The following TWIST2 variants were observed in gnomAD, a reference collection of about 807,000 sequenced individuals.
The protein encoded by TWIST2 is twist family bHLH transcription factor 2, also known as twist-related protein 2.
In TWIST2, 1 loss-of-function variant was observed where a neutral mutation model predicts 11.6. That is an observed-to-expected ratio of 0.09 (90% confidence interval 0.03 to 0.41). The LOEUF (loss-of-function observed/expected upper bound fraction) is 0.41, where lower values mean the gene tolerates loss of function less well. Ranked by LOEUF, TWIST2 falls within the 10% of genes least tolerant of loss-of-function variation. TWIST2 has a pLI of 0.98. For missense variants in TWIST2, 168 were observed against 226.4 expected (o/e 0.74, Z 1.66); for synonymous variants, 87 against 96.6 (o/e 0.90, Z 0.58).
At chr2:238,893,979 C>A in intron 1 of TWIST2, among the ~76,000 whole-genome samples, 1 of 152,126 alleles carries the variant, frequency 6.6e-6, no homozygotes, top group Non-Finnish European at 1.5e-5. Flanking sequence ...TACCACGTGC[C>A]TCCTTCCCAG....
At chr2:238,885,258 G>A (rs1693012737) in intron 1 of TWIST2, among the ~76,000 whole-genome samples, 1 of 152,196 alleles carries the variant, frequency 6.6e-6, no homozygotes, top group Non-Finnish European at 1.5e-5. Flanking sequence ...CCTGGATGGT[G>A]GTCAGTCTTC....
At chr2:238,884,697 G>A (rs1693000081) in intron 1 of TWIST2, among the ~76,000 whole-genome samples, 1 of 152,178 alleles carries the variant, frequency 6.6e-6, no homozygotes, top group South Asian at 2.1e-4. Context: ...GAAGGGTCCG[G>A]CTGCTGCTGT....
chr2:238,896,770 C>G (rs1263866938), intron 1 of TWIST2, among the ~76,000 whole-genome samples: 1 of 152,324 alleles, frequency 6.6e-6, no homozygotes, highest in South Asian at 2.1e-4. Flanking sequence ...CACACATGCT[C>G]TGGGATTTTA....
intron 1 of TWIST2, among the ~76,000 whole-genome samples, chr2:238,859,487 CACA>C (rs1438004559): frequency 6.6e-6 from 1 of 151,522 alleles, no homozygotes; most frequent in Non-Finnish European, 1.5e-5. Flanking sequence ...ATGATGCCTT[CACA>C]ACAAGGTGTA....
At chr2:238,850,233 TCTC>T (rs1692220754) in intron 1 of TWIST2, among the ~76,000 whole-genome samples, 1 of 152,210 alleles carries the variant, frequency 6.6e-6, no homozygotes, top group African/African-American at 2.4e-5. Context: ...GTGGGAATCT[TCTC>T]CTGTCTTTGT....
At chr2:238,855,546 C>T (rs950121932) in intron 1 of TWIST2, among the ~76,000 whole-genome samples, 1 of 152,318 alleles carries the variant, frequency 6.6e-6, no homozygotes, top group African/African-American at 2.4e-5. Flanking sequence ...GATCATTTCG[C>T]ATTCCTTGTT....
chr2:238,906,140 T>C (rs1182759787), intron 1 of TWIST2, among the ~76,000 whole-genome samples: 1 of 151,676 alleles, frequency 6.6e-6, no homozygotes, highest in Non-Finnish European at 1.5e-5. Context: ...GGGCTGGGGG[T>C]TGGGAGAGGG....
intron 1 of TWIST2, among the ~76,000 whole-genome samples, chr2:238,870,568 C>T (rs1692658821): frequency 1.4e-4 from 2 of 14,444 alleles, no homozygotes; most frequent in African/African-American, 5.0e-4. Context: ...ACACCACACA[C>T]CACACACCAC....
chr2:238,852,891 CA>C (rs1195684645), intron 1 of TWIST2, among the ~76,000 whole-genome samples: 1 of 152,124 alleles, frequency 6.6e-6, no homozygotes, highest in Non-Finnish European at 1.5e-5. Context: ...AGATATTCTA[CA>C]AAAGTATTAA....
intron 1 of TWIST2, among the ~76,000 whole-genome samples, chr2:238,856,487 A>T (rs139587634): frequency 0.011 from 1,708 of 152,248 alleles, 34 homozygotes; most frequent in African/African-American, 0.039. Flanking sequence ...GTCCCCAGCA[A>T]CCCTGTGTAC....
At chr2:238,874,933 T>C (rs1358036604) in intron 1 of TWIST2, among the ~76,000 whole-genome samples, 2 of 152,140 alleles carry the variant, frequency 1.3e-5, no homozygotes, top group African/African-American at 4.8e-5. Context: ...TTGTGGAACA[T>C]GTGTCCTCTT....
Position 238,863,562 on chromosome 2 carries a change from C to CTGTT in TWIST2, c.*35+14830_*35+14833dup, listed in dbSNP as rs1171073331. Among the ~76,000 whole-genome samples, 1 of 152,194 alleles carries CTGTT rather than the reference C, an allele frequency of 6.6e-6. No homozygotes were observed. The highest frequency in any genetic ancestry group is 1.5e-5 in the Non-Finnish European group (1 of 68,034). ...GATGGGACTGGCGCTCATCCTCACA[C>CTGTT]TGTTAGTGTTAGCATCCTCATTTCT... On this transcript the variant is annotated intron_variant, in intron 1 of 1. Transcript: ENST00000612363. This position sits in a 1 kb window ranked among gnomAD's most constrained non-coding sequence, Gnocchi z 4.7.
intron 1 of TWIST2, among the ~76,000 whole-genome samples, chr2:238,887,697 G>A (rs1244901619): frequency 6.6e-6 from 1 of 152,210 alleles, no homozygotes; most frequent in East Asian, 1.9e-4. Context: ...AGAAGAAGCT[G>A]TGTGCAGGAC....
At position 238,848,640 on chromosome 2, in the gene TWIST2, G is replaced by A; in HGVS notation, c.425G>A (p.Ser142Asn). ...AGCTACGTGGCCCACGAGCGCCTCA[G>A]CTACGCCTTCTCCGTGTGGCGCATG... ...SCSYVAHERLSYAFSVWRMEG... is the reference protein window; with the variant it reads ...SCSYVAHERLNYAFSVWRMEG... The change falls in exon 1 of 2, where the codon AGC becomes AAC. Residue 142 changes from serine (S) to asparagine (N), a missense_variant. This residue lies in a region of TWIST2 where 62 missense variants were observed against 75.3 expected (regional missense o/e 0.82). Coordinates refer to ENST00000612363, the MANE Select transcript of TWIST2 (RefSeq NM_001271893.4). 1 of 1,539,156 alleles carries A rather than the reference G, an allele frequency of 6.5e-7. No individual in the cohort carries two copies. Among genetic ancestry groups the A allele is most frequent in the Non-Finnish European group, 8.7e-7 (1 of 1,148,316 alleles).
At chr2:238,903,453 AATGTGAGGTG>A (rs1693303984) in intron 1 of TWIST2, among the ~76,000 whole-genome samples, 1 of 61,520 alleles carries the variant, frequency 1.6e-5, no homozygotes. Flanking sequence ...GTGTGGGTCT[AATGTGAGGTG>A]TGTGTGATGT....
At chr2:238,902,988 A>T (rs1693294310) in intron 1 of TWIST2, among the ~76,000 whole-genome samples, 1 of 21,762 alleles carries the variant, frequency 4.6e-5, no homozygotes, top group Non-Finnish European at 7.4e-5. Flanking sequence ...TGGGTGTGTG[A>T]TGGGTATGTG....
At chr2:238,870,662 AAACCACGCACCC>A (rs1692667149) in intron 1 of TWIST2, among the ~76,000 whole-genome samples, 1 of 46,140 alleles carries the variant, frequency 2.2e-5, no homozygotes, top group African/African-American at 1.1e-4. Context: ...CACCACACAC[AAACCACGCACCC>A]CATGCACACA....
intron 1 of TWIST2, among the ~76,000 whole-genome samples, chr2:238,888,740 G>A (rs569047472): frequency 9.2e-5 from 14 of 152,288 alleles, no homozygotes; most frequent in East Asian, 1.9e-4. Context: ...TAATAACGGC[G>A]AAGTCCTGTT....
At chr2:238,868,782 C>T (rs1692591862) in intron 1 of TWIST2, among the ~76,000 whole-genome samples, 1 of 152,222 alleles carries the variant, frequency 6.6e-6, no homozygotes, top group Admixed American at 6.5e-5. Flanking sequence ...GATCCACAGG[C>T]ATGGTAGGGC....
Sources: gnomAD v4.1 joint callset for allele counts (sites outside exome capture counted in the v4.1 genomes callset) on GRCh38, gnomAD v4.1.1 for gene constraint, gnomAD v4.1.1 regional missense constraint, Gnocchi (gnomAD v3.1) non-coding constraint, MANE v1.5 for transcripts, NCBI Gene and HGNC (gene_info 2026-07-23, HGNC 2026-07-21) for gene names.